The following SLC44A5 variants were observed in gnomAD, a reference collection of about 807,000 sequenced individuals.
SLC44A5 encodes solute carrier family 44 member 5.
In SLC44A5, 57 loss-of-function variants were observed where a neutral mutation model predicts 101.8. The observed-to-expected ratio is 0.56, with a 90% confidence interval of 0.45 to 0.70. The LOEUF (loss-of-function observed/expected upper bound fraction) is 0.70, where lower values mean the gene tolerates loss of function less well. Among genes scored for constraint, SLC44A5 ranks in the 30% least tolerant of loss-of-function variants. SLC44A5 has a pLI of 0.00. For synonymous variants in SLC44A5, 281 were observed against 290.9 expected (o/e 0.97, Z 0.35); for missense variants, 737 against 853.1 (o/e 0.86, Z 1.70).
Position 75,368,748 on chromosome 1 carries a change from A to G in SLC44A5, c.52+27835T>C, listed in dbSNP as rs182076639. ...AAATATATCCTAAGAAATGTCTATT[A>G]TTGTCAAGGGGAACTCCTTCATGAT... On this transcript the variant is annotated intron_variant, in intron 3 of 23. Transcript: ENST00000370859. Among the ~76,000 whole-genome samples the G allele has an allele frequency of 2.1e-3, 312 of 152,146 alleles. 2 individuals carry two copies. The highest frequency in any genetic ancestry group is 2.1e-3 in the Non-Finnish European group (144 of 67,996).
intron 2 of SLC44A5, among the ~76,000 whole-genome samples, chr1:75,417,385 C>T (rs1371824385): frequency 6.6e-6 from 1 of 152,198 alleles, no homozygotes; most frequent in Admixed American, 6.5e-5. Flanking sequence ...AAATAAACTT[C>T]TTTCTTTTGT....
the SLC44A5 span, among the ~76,000 whole-genome samples, chr1:75,674,702 A>C: frequency 6.7e-6 from 1 of 150,316 alleles, no homozygotes; most frequent in Admixed American, 6.7e-5. Flanking sequence ...ATTTTAAAAA[A>C]TGAAGTGCAC....
At chr1:75,573,849 T>C (rs965436012) in intron 1 of SLC44A5, among the ~76,000 whole-genome samples, 30 of 152,178 alleles carry the variant, frequency 2.0e-4, no homozygotes, top group African/African-American at 7.2e-4. Flanking sequence ...TTTTTGTTGT[T>C]TTAAGAAACA....
At chr1:75,576,305 T>G (rs1348808575) in intron 1 of SLC44A5, among the ~76,000 whole-genome samples, 1 of 151,836 alleles carries the variant, frequency 6.6e-6, no homozygotes, top group Non-Finnish European at 1.5e-5. Flanking sequence ...GTTTTATAAA[T>G]GTTCCTTTTT....
intron 2 of SLC44A5, among the ~76,000 whole-genome samples, chr1:75,522,386 A>G (rs1225719572): frequency 2.0e-5 from 3 of 151,976 alleles, no homozygotes; most frequent in Non-Finnish European, 4.4e-5. Context: ...AGTTAAGAAT[A>G]ATTGAGAAAT....
chr1:75,477,465 G>A (rs1217414471), intron 2 of SLC44A5, among the ~76,000 whole-genome samples: 1 of 152,180 alleles, frequency 6.6e-6, no homozygotes, highest in Non-Finnish European at 1.5e-5. Context: ...AGTTACAGGA[G>A]TAAATTCAAA....
At chr1:75,414,053 G>GT (rs969848598) in intron 2 of SLC44A5, among the ~76,000 whole-genome samples, 7 of 151,696 alleles carry the variant, frequency 4.6e-5, no homozygotes, top group African/African-American at 9.7e-5. Context: ...TTTTCTATCA[G>GT]TTTTTTTTCT....
chr1:75,531,952 G>C (rs1039638993), intron 2 of SLC44A5, among the ~76,000 whole-genome samples: 1 of 152,154 alleles, frequency 6.6e-6, no homozygotes, highest in Non-Finnish European at 1.5e-5. Context: ...TAATTTGAAC[G>C]TGCTACATGA....
At chr1:75,682,220 C>T in the SLC44A5 span, among the ~76,000 whole-genome samples, 2 of 152,138 alleles carry the variant, frequency 1.3e-5, no homozygotes, top group African/African-American at 2.4e-5. Context: ...CATCAAGCTA[C>T]GAATGCCTTT....
intron 2 of SLC44A5, among the ~76,000 whole-genome samples, chr1:75,515,784 G>A (rs538099443): frequency 5.3e-5 from 8 of 152,254 alleles, no homozygotes; most frequent in African/African-American, 1.9e-4. Context: ...CCAGAGATAG[G>A]ATTGCTGGAT....
At chr1:75,672,845 C>T in the SLC44A5 span, among the ~76,000 whole-genome samples, 1 of 152,096 alleles carries the variant, frequency 6.6e-6, no homozygotes, top group Admixed American at 6.6e-5. Flanking sequence ...CATAGACATG[C>T]CCTGGGCCAG....
intron 3 of SLC44A5, among the ~76,000 whole-genome samples, chr1:75,364,080 C>T (rs953015406): frequency 6.6e-6 from 1 of 152,008 alleles, no homozygotes; most frequent in Non-Finnish European, 1.5e-5. Context: ...TTGTATTTTG[C>T]TGCTTTCAGA....
At chr1:75,205,495 T>C (rs1049526519) in intron 23 of SLC44A5, 3 of 152,160 alleles carry the variant, frequency 2.0e-5, no homozygotes, top group African/African-American at 7.2e-5. Context: ...TGTTCTGCCA[T>C]TCAAAACTTA....
chr1:75,576,271 CAG>C (rs1377500375), intron 1 of SLC44A5, among the ~76,000 whole-genome samples: 2 of 150,336 alleles, frequency 1.3e-5, no homozygotes, highest in East Asian at 3.9e-4. Context: ...GAGATAGAGA[CAG>C]AGAGAAACCA....
intron 2 of SLC44A5, among the ~76,000 whole-genome samples, chr1:75,416,540 C>T (rs754366950): frequency 1.3e-4 from 20 of 152,182 alleles, no homozygotes; most frequent in Non-Finnish European, 2.4e-4. Flanking sequence ...CACCACCTAG[C>T]GGAGCTGTGA....
chr1:75,467,134 G>T (rs1666865041), intron 2 of SLC44A5, among the ~76,000 whole-genome samples: 1 of 151,686 alleles, frequency 6.6e-6, no homozygotes, highest in African/African-American at 2.4e-5. Flanking sequence ...AGAACTGAAA[G>T]ACCTCTATAA....
intron 2 of SLC44A5, among the ~76,000 whole-genome samples, chr1:75,476,672 A>T (rs1057032380): frequency 6.6e-6 from 1 of 152,234 alleles, no homozygotes; most frequent in Non-Finnish European, 1.5e-5. Flanking sequence ...CTGAGATCAA[A>T]CTGCAAGGCG....
intron 2 of SLC44A5, among the ~76,000 whole-genome samples, chr1:75,510,935 G>A (rs761457888): frequency 6.6e-6 from 1 of 152,214 alleles, no homozygotes; most frequent in Non-Finnish European, 1.5e-5. Flanking sequence ...GAGGTTAGGA[G>A]ATCGAGACCA....
In SLC44A5 at chr1:75,300,674, T is replaced by C. The variant is rs1044273959; in HGVS notation, c.113A>G (p.Asp38Gly). ...KGPVANRSCT[D>G]VLCCMIFLLC... ...TAGGAAGATCATACAGCACAGAACATCTGTACAACTCCTAAAGACAAAAAA... is the reference window on the plus strand; with the variant it reads ...TAGGAAGATCATACAGCACAGAACACCTGTACAACTCCTAAAGACAAAAAA... Residue 38 changes from aspartate to glycine, a missense_variant, in exon 5 of 24, where the codon GAT becomes GGT. By Grantham distance (94) the Asp-to-Gly change is moderately conservative (BLOSUM62 -1). Coordinates refer to ENST00000370859, the MANE Select transcript of SLC44A5 (RefSeq NM_001130058.2). The C allele has an allele frequency of 6.3e-7, 1 of 1,589,900 alleles. No individual in the cohort carries two copies. Among genetic ancestry groups the C allele is most frequent in the African/African-American group, 1.3e-5 (1 of 74,076 alleles).
Sources: allele counts gnomAD v4.1 joint callset (sites outside exome capture counted in the v4.1 genomes callset), GRCh38; gene constraint gnomAD v4.1.1; transcripts MANE v1.5; gene names NCBI Gene and HGNC (gene_info 2026-07-23, HGNC 2026-07-21).